TNIP1: variants seen among roughly 807,000 people sequenced by gnomAD.
The protein encoded by TNIP1 is TNFAIP3-interacting protein 1.
A neutral mutation model predicts 86.6 loss-of-function variants in TNIP1; 22 were observed. The observed-to-expected ratio is 0.25, with a 90% CI of 0.18 to 0.36. The LOEUF (loss-of-function observed/expected upper bound fraction) is 0.36. TNIP1 is among the 10% of genes least tolerant of loss of function. The pLI is 1.00. For synonymous variants in TNIP1, 294 were observed against 313.0 expected (o/e 0.94, Z 0.64); for missense variants, 709 against 820.6 (o/e 0.86, Z 1.66).
At chr5:151,041,288 C>G (rs1758387861) in intron 11 of TNIP1, among the ~76,000 whole-genome samples, 1 of 152,138 alleles carries the variant, frequency 6.6e-6, no homozygotes, top group Non-Finnish European at 1.5e-5. Context: ...CCAGGCTGGT[C>G]TCAAGCTCCT....
intron 1 of TNIP1, among the ~76,000 whole-genome samples, chr5:151,079,597 G>T (rs1306907191): frequency 6.7e-6 from 1 of 148,450 alleles, no homozygotes; most frequent in Non-Finnish European, 1.5e-5. Context: ...ACTCCAGCCT[G>T]GGTAACAGAG....
chr5:151,054,240 A>T (rs1486788885), intron 6 of TNIP1, among the ~76,000 whole-genome samples: 7 of 152,222 alleles, frequency 4.6e-5, no homozygotes, highest in Non-Finnish European at 7.3e-5. Context: ...GCCACACAGA[A>T]TAGGAGGGAA....
rs557482498 is a variant in TNIP1 at position 151,076,854 on chromosome 5, C to T, written c.-37+4026G>A. Among the ~76,000 whole-genome samples, 4 of 152,332 alleles carry T rather than the reference C, an allele frequency of 2.6e-5. No homozygotes were observed. In the South Asian group the frequency reaches 8.3e-4, roughly 32 times the overall value. Reference sequence around the variant, plus strand: ...GGGCACTGGGGCTGTTGAGGGAATGCAAGCCAGGTGTCTTCAAAGCCCCAC... The same window carrying T: ...GGGCACTGGGGCTGTTGAGGGAATGTAAGCCAGGTGTCTTCAAAGCCCCAC... On this transcript the variant is annotated intron_variant, in intron 1 of 17. Coordinates refer to ENST00000521591, the MANE Select transcript of TNIP1 (RefSeq NM_006058.5).
intron 8 of TNIP1, among the ~76,000 whole-genome samples, chr5:151,047,025 A>C (rs1759265058): frequency 6.6e-6 from 1 of 152,238 alleles, no homozygotes; most frequent in South Asian, 2.1e-4. Context: ...TGAAAGTTTA[A>C]GAAAAAATAG....
At chr5:151,042,715 A>T in intron 10 of TNIP1, 44 bp from the exon 11 acceptor site, 1 of 1,610,498 alleles carries the variant, frequency 6.2e-7, no homozygotes, top group Non-Finnish European at 8.5e-7. Flanking sequence ...AAGGATGTAG[A>T]GCACTTGCAG....
At chr5:151,061,079 C>T (rs1457007252) in intron 4 of TNIP1, among the ~76,000 whole-genome samples, 2 of 152,198 alleles carry the variant, frequency 1.3e-5, no homozygotes, top group Non-Finnish European at 2.9e-5. Context: ...CCAAGAAATC[C>T]CAGATTTTTT....
upstream of TNIP1, among the ~76,000 whole-genome samples, chr5:151,087,317 C>G (rs1764313443): frequency 6.6e-6 from 1 of 152,196 alleles, no homozygotes; most frequent in African/African-American, 2.4e-5. Context: ...CAGCCTCCAC[C>G]TGTCACTTCC....
intron 8 of TNIP1, among the ~76,000 whole-genome samples, chr5:151,048,238 C>T (rs576368408): frequency 1.6e-4 from 25 of 152,208 alleles, no homozygotes; most frequent in Non-Finnish European, 3.2e-4. Flanking sequence ...TGAACCTCCG[C>T]GAGGGAGAGA....
intron 1 of TNIP1, among the ~76,000 whole-genome samples, chr5:151,068,552 T>C (rs1762495923): frequency 6.6e-6 from 1 of 152,206 alleles, no homozygotes; most frequent in Admixed American, 6.5e-5. Context: ...AAGGAAGCAC[T>C]GACCACTCCC....
rs372086973 is a variant in TNIP1 at position 151,039,263 on chromosome 5, G to C, written c.1135-38C>G. On this transcript the variant is annotated intron_variant, in intron 11 of 17. Transcript: ENST00000521591. ...CAAGGTTGGTAAGCTGGCTAGGATG[G>C]CCTCTCCAGGAGGCCTCGGATTCTC... 4.3e-4 allele frequency: 685 copies of C among 1,595,468 alleles called. 2 individuals carry two copies. The highest frequency in any genetic ancestry group is 5.2e-4 in the Non-Finnish European group (605 of 1,174,356).
At chr5:151,039,498 G>T (rs1758144709) in intron 11 of TNIP1, among the ~76,000 whole-genome samples, 1 of 152,208 alleles carries the variant, frequency 6.6e-6, no homozygotes, top group East Asian at 1.9e-4. Flanking sequence ...CCACTAAGCA[G>T]CTGAGACCCC....
chr5:151,081,076 C>T (rs1416546816), upstream of TNIP1: 1 of 152,232 alleles, frequency 6.6e-6, no homozygotes, highest in Non-Finnish European at 1.5e-5. Flanking sequence ...GGGAAAGTCC[C>T]CGGAGACTGG....
At chr5:151,071,457 TA>T (rs1258311955) in intron 1 of TNIP1, among the ~76,000 whole-genome samples, 1 of 152,150 alleles carries the variant, frequency 6.6e-6, no homozygotes, top group Non-Finnish European at 1.5e-5. Flanking sequence ...TTGTGCGGGA[TA>T]ATCATTAAGG....
At chr5:151,078,151 CA>C (rs1349953309) in intron 1 of TNIP1, among the ~76,000 whole-genome samples, 2 of 152,190 alleles carry the variant, frequency 1.3e-5, no homozygotes, top group African/African-American at 4.8e-5. Context: ...CCCATTTGAC[CA>C]AAAGTTCCTG....
intron 4 of TNIP1, among the ~76,000 whole-genome samples, chr5:151,060,991 G>T (rs1470808255): frequency 1.3e-5 from 2 of 152,210 alleles, no homozygotes; most frequent in Non-Finnish European, 2.9e-5. Flanking sequence ...CCAGAGGAGT[G>T]AACTGATCTG....
At chr5:151,030,806 C>T in intron 17 of TNIP1, 59 bp from the exon 18 acceptor site, 1 of 1,429,598 alleles carries the variant, frequency 7.0e-7, no homozygotes, top group African/African-American at 1.4e-5. Context: ...GTTTCAAAGT[C>T]TCTTATGGAA....
At chr5:151,064,141 C>T (rs1441183897) in intron 2 of TNIP1, among the ~76,000 whole-genome samples, 5 of 152,234 alleles carry the variant, frequency 3.3e-5, no homozygotes, top group African/African-American at 9.6e-5. Flanking sequence ...GCCTGCAGGG[C>T]GGAGACCTTG....
At chr5:151,056,012 A>C (rs1394571597) in intron 6 of TNIP1, among the ~76,000 whole-genome samples, 1 of 152,226 alleles carries the variant, frequency 6.6e-6, no homozygotes, top group African/African-American at 2.4e-5. Context: ...AGCATGGACT[A>C]GGTTCTGGAC....
chr5:151,034,990 A>G lies in TNIP1; in HGVS notation c.1587+12T>C, dbSNP rs774557706. 1.5e-5 allele frequency: 24 copies of G among 1,613,816 alleles called. No homozygotes were observed. The South Asian group carries it at 1.8e-4, about 12-fold the overall frequency. On this transcript the variant is annotated intron_variant, in intron 15 of 17. Transcript: ENST00000521591. ...GGATGTCAGTGCTGCTACCTCCCTC[A>G]AGCCTCCTCACCTTTGCTTTCCTCT...
Sources: gnomAD v4.1 joint callset for allele counts (sites outside exome capture counted in the v4.1 genomes callset) on GRCh38, gnomAD v4.1.1 for gene constraint, MANE v1.5 for transcripts, NCBI Gene and HGNC (gene_info 2026-07-23, HGNC 2026-07-21) for gene names.